CSMD3: variants seen among roughly 807,000 people sequenced by gnomAD.
The protein encoded by CSMD3 is CUB and Sushi multiple domains 3.
CSMD3 carries 177 observed loss-of-function variants against 435.2 expected under a neutral mutation model. The ratio of observed to expected loss-of-function variants is 0.41; its 90% confidence interval spans 0.36 to 0.46. CSMD3 has a LOEUF of 0.46. CSMD3 is among the 20% of genes least tolerant of loss of function. The pLI, the probability that CSMD3 is intolerant of heterozygous loss-of-function variation, is 0.34. For synonymous variants in CSMD3, 1,656 were observed against 1,520.5 expected (o/e 1.09, Z -2.07); for missense variants, 4,265 against 4,504.6 (o/e 0.95, Z 1.52).
chr8:112,949,525 T>C (rs1196995630), intron 8 of CSMD3, among the ~76,000 whole-genome samples: 4 of 152,194 alleles, frequency 2.6e-5, no homozygotes, highest in African/African-American at 7.2e-5. Context: ...ATGACCTATA[T>C]GCTAATGACT....
intron 23 of CSMD3, among the ~76,000 whole-genome samples, chr8:112,577,820 G>A (rs987502087): frequency 1.3e-5 from 2 of 152,030 alleles, no homozygotes; most frequent in Non-Finnish European, 2.9e-5. Context: ...AACTCTTGCT[G>A]TTGTGAATGA....
intron 52 of CSMD3, among the ~76,000 whole-genome samples, chr8:112,302,429 A>G (rs907772945): frequency 2.6e-5 from 4 of 152,054 alleles, no homozygotes; most frequent in Non-Finnish European, 4.4e-5. Context: ...CAAGAACTCT[A>G]TCGTTTGAGT....
intron 3 of CSMD3, among the ~76,000 whole-genome samples, chr8:113,266,994 G>GA (rs1377457757): frequency 6.6e-6 from 1 of 151,476 alleles, no homozygotes; most frequent in African/African-American, 2.4e-5. Flanking sequence ...ACAGGTATAT[G>GA]AAAAAAATTT....
At chr8:112,320,129 A>T (rs1822856093) in intron 45 of CSMD3, 148 bp from the exon 46 acceptor site, 1 of 633,860 alleles carries the variant, frequency 1.6e-6, no homozygotes, top group Non-Finnish European at 2.8e-6. Flanking sequence ...CTTTATTTTT[A>T]AAAATATACT....
chr8:112,372,103 TAC>T (rs1232575295), intron 38 of CSMD3, among the ~76,000 whole-genome samples: 2 of 151,596 alleles, frequency 1.3e-5, no homozygotes, highest in South Asian at 2.1e-4. Context: ...AAATAATCCA[TAC>T]ACACACACAT....
At chr8:113,333,754 T>C (rs113529327) in intron 1 of CSMD3, among the ~76,000 whole-genome samples, 2,022 of 151,998 alleles carry the variant, frequency 0.013, 52 homozygotes, top group African/African-American at 0.046. Flanking sequence ...TTTATTCTAG[T>C]TCCTTTGTAG....
intron 70 of CSMD3, 147 bp from the exon 71 acceptor site, chr8:112,225,077 A>G: frequency 3.8e-6 from 3 of 793,464 alleles, no homozygotes; most frequent in South Asian, 3.0e-5. Flanking sequence ...CAACTTGAAC[A>G]ATTTCCTTGT....
At chr8:113,089,567 G>A (rs902117699) in intron 5 of CSMD3, among the ~76,000 whole-genome samples, 2 of 152,096 alleles carry the variant, frequency 1.3e-5, no homozygotes, top group Non-Finnish European at 2.9e-5. Flanking sequence ...TATTGCAAGA[G>A]AGATAATAAA....
At chr8:113,222,952 G>T (rs2132139262) in intron 3 of CSMD3, among the ~76,000 whole-genome samples, 1 of 150,806 alleles carries the variant, frequency 6.6e-6, no homozygotes, top group East Asian at 2.0e-4. Context: ...CTCACATTCA[G>T]GTGGTTATTT....
At chr8:112,830,051 A>G (rs759288896) in intron 11 of CSMD3, among the ~76,000 whole-genome samples, 1 of 152,152 alleles carries the variant, frequency 6.6e-6, no homozygotes, top group Non-Finnish European at 1.5e-5. Context: ...TATTTTCTGC[A>G]TTAAATTTTC....
chr8:112,794,351 C>T (rs187328371), intron 13 of CSMD3, among the ~76,000 whole-genome samples: 43 of 132,310 alleles, frequency 3.2e-4, no homozygotes, highest in Middle Eastern at 4.9e-3. Context: ...TAGAGGGCAG[C>T]GGCGCGGTCT....
chr8:112,694,352 T>C (rs1646736827), intron 13 of CSMD3, among the ~76,000 whole-genome samples: 1 of 152,148 alleles, frequency 6.6e-6, no homozygotes, highest in Admixed American at 6.6e-5. Context: ...CATTTATTTA[T>C]ATGTTTATTT....
intron 3 of CSMD3, among the ~76,000 whole-genome samples, chr8:113,250,652 A>G (rs978100558): frequency 6.6e-6 from 1 of 152,124 alleles, no homozygotes. Flanking sequence ...CTTGTGTCTG[A>G]TGGATTAAAT....
In CSMD3 at chr8:112,682,433, T is replaced by G. The variant is rs1586958656; in HGVS notation, c.2677+9A>C. On this transcript the variant is annotated intron_variant, in intron 16 of 70. Transcript: ENST00000297405. ...TGAGGTTCTATTTCTCACTCACTAC[T>G]ACACTTACCTCCACATTTTGGAATC... The G allele has an allele frequency of 6.2e-7, 1 of 1,606,168 alleles. No individual in the cohort carries two copies. Among genetic ancestry groups the G allele is most frequent in the Non-Finnish European group, 8.5e-7 (1 of 1,174,532 alleles).
intron 16 of CSMD3, among the ~76,000 whole-genome samples, chr8:112,668,920 G>A (rs938952605): frequency 2.6e-5 from 4 of 151,008 alleles, no homozygotes; most frequent in African/African-American, 7.3e-5. Flanking sequence ...GAAAGGAGAG[G>A]CTAAATGTAG....
At chr8:113,073,790 C>G (rs893564292) in intron 5 of CSMD3, among the ~76,000 whole-genome samples, 1 of 151,608 alleles carries the variant, frequency 6.6e-6, no homozygotes, top group African/African-American at 2.4e-5. Context: ...CAATTCTTGA[C>G]AGCATTCGCC....
chr8:112,754,419 G>A (rs1479880018), intron 13 of CSMD3, among the ~76,000 whole-genome samples: 1 of 151,980 alleles, frequency 6.6e-6, no homozygotes, highest in Non-Finnish European at 1.5e-5. Context: ...GCCCTGATTT[G>A]GAGAAAATCA....
intron 28 of CSMD3, among the ~76,000 whole-genome samples, chr8:112,510,566 T>C (rs1823008520): frequency 6.6e-6 from 1 of 152,186 alleles, no homozygotes; most frequent in Admixed American, 6.5e-5. Context: ...ACTTCATCTC[T>C]CTCTAAACCA....
intron 3 of CSMD3, among the ~76,000 whole-genome samples, chr8:113,200,324 A>G (rs2092703862): frequency 6.6e-6 from 1 of 151,784 alleles, no homozygotes; most frequent in Non-Finnish European, 1.5e-5. Context: ...GTCTCTCACT[A>G]GGATGCTGCA....
Sources: allele counts gnomAD v4.1 joint callset (sites outside exome capture counted in the v4.1 genomes callset), GRCh38; gene constraint gnomAD v4.1.1; transcripts MANE v1.5; gene names NCBI Gene and HGNC (gene_info 2026-07-23, HGNC 2026-07-21).